ASTN2: variants seen among roughly 807,000 people sequenced by gnomAD.
The protein encoded by ASTN2 is astrotactin 2.
In ASTN2, 54 loss-of-function variants were observed where a neutral mutation model predicts 139.8. The ratio of observed to expected loss-of-function variants is 0.39; its 90% CI spans 0.31 to 0.48. The LOEUF is 0.48. ASTN2 is among the 20% of genes least tolerant of loss of function. The pLI is 0.95. For synonymous variants in ASTN2, 756 were observed against 719.5 expected, an observed-to-expected ratio of 1.05 and a Z score of -0.81; for missense variants, 1,565 against 1,725.1, an observed-to-expected ratio of 0.91 and a Z score of 1.64.
At chr9:116,894,610 C>G (rs1184111431) in intron 10 of ASTN2, among the ~76,000 whole-genome samples, 1 of 152,210 alleles carries the variant, frequency 6.6e-6, no homozygotes, top group African/African-American at 2.4e-5. Context: ...CTGCCTCAAC[C>G]TCCCAAGTTG....
intron 11 of ASTN2, among the ~76,000 whole-genome samples, chr9:116,849,426 A>C (rs1323478133): frequency 6.6e-6 from 1 of 152,140 alleles, no homozygotes; most frequent in African/African-American, 2.4e-5. Flanking sequence ...TAGTATACAA[A>C]AGACACTTAT....
At chr9:116,778,815 T>A (rs917051445) in intron 13 of ASTN2, among the ~76,000 whole-genome samples, 1 of 152,166 alleles carries the variant, frequency 6.6e-6, no homozygotes, top group African/African-American at 2.4e-5. Context: ...TCGCCACCTG[T>A]CTGAAGTCCT....
intron 4 of ASTN2, among the ~76,000 whole-genome samples, chr9:117,117,391 A>T (rs1829423749): frequency 8.2e-6 from 1 of 121,560 alleles, no homozygotes. Context: ...AAAAGAACGA[A>T]GAAAGAGAAA....
chr9:117,131,845 A>T (rs1829834889), intron 4 of ASTN2, among the ~76,000 whole-genome samples: 1 of 152,192 alleles, frequency 6.6e-6, no homozygotes. Flanking sequence ...AAAATGTGTG[A>T]AACCACACTG....
At chr9:117,043,397 C>T (rs1838637517) in intron 5 of ASTN2, among the ~76,000 whole-genome samples, 3 of 152,136 alleles carry the variant, frequency 2.0e-5, no homozygotes, top group Admixed American at 2.0e-4. Flanking sequence ...TCCTGGCCCA[C>T]ACAGCAGCAA....
intron 7 of ASTN2, among the ~76,000 whole-genome samples, chr9:116,979,167 G>C (rs1469622749): frequency 6.6e-6 from 1 of 152,100 alleles, no homozygotes; most frequent in Non-Finnish European, 1.5e-5. Context: ...AAATAGCCTG[G>C]GCTTCATGAA....
intron 16 of ASTN2, chr9:116,687,266 C>T: frequency 1.0e-6 from 1 of 992,440 alleles, no homozygotes. Flanking sequence ...GGCTCAGTGA[C>T]GGACAGGGAG....
At chr9:117,178,511 G>A (rs571909361) in intron 3 of ASTN2, among the ~76,000 whole-genome samples, 1 of 152,332 alleles carries the variant, frequency 6.6e-6, no homozygotes, top group Admixed American at 6.5e-5. Flanking sequence ...GGAGAGGCCA[G>A]CATAGACAAA....
intron 4 of ASTN2, among the ~76,000 whole-genome samples, chr9:117,134,266 T>TTATATATATATATATATA (rs5900267): frequency 5.4e-5 from 5 of 92,610 alleles, no homozygotes; most frequent in African/African-American, 2.6e-4. Context: ...CTAATGAAAA[T>TTATATATATATATATATA]TATATATATA....
At position 117,386,433 on chromosome 9, in the gene ASTN2, G is replaced by A. The variant is rs553460569; in HGVS notation, c.442+28064C>T. ...CTGCCATGGTCTGACAAGTCTCAGG[G>A]ACCTAGGAACATGGTGCTCTTCTTA... On this transcript the variant is annotated intron_variant, in intron 1 of 22. Transcript: ENST00000313400. Among the ~76,000 whole-genome samples, 209 of 152,248 alleles carry A rather than the reference G, an allele frequency of 1.4e-3. 1 individual carries two copies. The highest frequency in any genetic ancestry group is 2.7e-3 in the Non-Finnish European group (187 of 68,018).
chr9:116,686,920 T>G, intron 16 of ASTN2: 1 of 1,503,602 alleles, frequency 6.7e-7, no homozygotes, highest in Non-Finnish European at 8.9e-7. Context: ...GTTTGATTTT[T>G]CCGTTGGCCC....
intron 11 of ASTN2, among the ~76,000 whole-genome samples, chr9:116,842,415 G>C (rs1173376358): frequency 6.6e-6 from 1 of 152,058 alleles, no homozygotes; most frequent in Admixed American, 6.6e-5. Flanking sequence ...GGCTGAAGAA[G>C]GGCTGCTGAA....
chr9:117,075,698 C>G (rs1564414663), intron 5 of ASTN2, among the ~76,000 whole-genome samples: 1 of 152,158 alleles, frequency 6.6e-6, no homozygotes, highest in Non-Finnish European at 1.5e-5. Flanking sequence ...ATCTTTGCCA[C>G]TGACCTTCTA....
At chr9:117,141,293 G>C (rs971009211) in intron 4 of ASTN2, 33 bp downstream of exon 4, 1 of 1,362,996 alleles carries the variant, frequency 7.3e-7, no homozygotes, top group South Asian at 1.1e-5. Flanking sequence ...ACAACCTTCT[G>C]ACTTCCTGGC....
chr9:116,509,937 T>A (rs1193304714), intron 19 of ASTN2, among the ~76,000 whole-genome samples: 1 of 152,214 alleles, frequency 6.6e-6, no homozygotes, highest in Non-Finnish European at 1.5e-5. Flanking sequence ...TTGCAAAAGT[T>A]TTCTCCCATT....
chr9:117,249,505 G>A (rs1833477601), intron 2 of ASTN2, among the ~76,000 whole-genome samples: 1 of 152,056 alleles, frequency 6.6e-6, no homozygotes, highest in South Asian at 2.1e-4. Context: ...AGAACCCTTT[G>A]TTCAAATGAA....
intron 7 of ASTN2, among the ~76,000 whole-genome samples, chr9:117,004,079 C>T (rs774732747): frequency 1.3e-5 from 2 of 151,762 alleles, no homozygotes; most frequent in Non-Finnish European, 2.9e-5. Context: ...TGCATAAGAG[C>T]TGTGTTACAT....
At position 117,346,010 on chromosome 9, in the gene ASTN2, C is replaced by CAAA. The variant is rs35773511; in HGVS notation, c.443-54500_443-54498dup. ...CATTGCCACTTAGTGAACTAAGAGG[C>CAAA]AAAAAAAAAAAAAAAAGGAAAAGGA... is the stretch of plus-strand genomic sequence containing the variant. On this transcript the variant is annotated intron_variant, in intron 1 of 22. Coordinates refer to ENST00000313400, the MANE Select transcript of ASTN2 (RefSeq NM_001365068.1). 6.2e-3 allele frequency among the ~76,000 whole-genome samples: 572 copies of CAAA among 92,336 alleles called. 9 individuals are homozygous for CAAA. Among genetic ancestry groups the CAAA allele is most frequent in the African/African-American group, 0.021 (543 of 26,270 alleles). The allele number at this position is 92,336 out of a possible 152,430, so 60.6% of individuals were successfully genotyped here.
chr9:117,159,077 A>G (rs1830491029), intron 3 of ASTN2, among the ~76,000 whole-genome samples: 2 of 151,986 alleles, frequency 1.3e-5, no homozygotes. Flanking sequence ...AATGCCGTGG[A>G]ATGTTAATTT....
Sources: allele counts gnomAD v4.1 joint callset (sites outside exome capture counted in the v4.1 genomes callset), GRCh38; gene constraint gnomAD v4.1.1; transcripts MANE v1.5; gene names NCBI Gene and HGNC (gene_info 2026-07-23, HGNC 2026-07-21).